Variants in PRC1 observed in about 807,000 individuals in gnomAD.
PRC1 encodes anaphase spindle elongation 1 homolog.
In PRC1, 54 loss-of-function variants were observed where a neutral mutation model predicts 91.2. The observed-to-expected ratio is 0.59, with a 90% confidence interval of 0.48 to 0.74. The LOEUF (loss-of-function observed/expected upper bound fraction) is 0.74, where lower values mean the gene tolerates loss of function less well. Among genes scored for constraint, PRC1 ranks in the 30% least tolerant of loss-of-function variants. The pLI is 0.00. For missense variants in PRC1, 727 were observed against 746.2 expected (o/e 0.97, Z 0.30); for synonymous variants, 275 against 263.6 (o/e 1.04, Z -0.42).
intron 14 of PRC1, chr15:90,967,861 G>A (rs2037661469): frequency 2.0e-6 from 2 of 985,510 alleles, no homozygotes; most frequent in South Asian, 4.7e-5. Flanking sequence ...CTACTTTAGA[G>A]TTGTCAAGGT....
intron 1 of PRC1, 58 bp downstream of exon 1, chr15:90,994,349 G>C: frequency 6.2e-7 from 1 of 1,611,220 alleles, no homozygotes; most frequent in Non-Finnish European, 8.5e-7. Flanking sequence ...AACAGGCCCC[G>C]CAGCCGAAAC....
chr15:90,966,457 A>C lies in PRC1; in HGVS notation c.*674T>G, dbSNP rs1471042320. On this transcript the variant is annotated 3_prime_UTR_variant, in exon 15 of 15. Transcript: ENST00000394249. ...GAATGGGGGAGATGAGAGCCAAGGG[A>C]CAAACGCCGAGAAAGCGTTCCGACA... 10 of 391,860 alleles carry C rather than the reference A, an allele frequency of 2.6e-5. No homozygotes were observed. The highest frequency in any genetic ancestry group is 4.2e-5 in the Non-Finnish European group (8 of 190,106). The allele number at this position is 391,860 out of a possible 1,614,324, so 24.3% of individuals were successfully genotyped here.
intron 14 of PRC1, chr15:90,968,202 G>A (rs1338622559): frequency 4.1e-6 from 4 of 985,312 alleles, no homozygotes; most frequent in African/African-American, 1.7e-5. Context: ...AAGCGAAAAA[G>A]AGAAAGCTGG....
rs1567173970 is a variant in PRC1, at chr15:90,966,291, G to A, written c.*840C>T. 1 of 236,642 alleles carries A rather than the reference G, an allele frequency of 4.2e-6. No individual in the cohort carries two copies. The highest frequency in any genetic ancestry group is 8.7e-6 in the Non-Finnish European group (1 of 114,842). The allele number at this position is 236,642 out of a possible 1,614,324, so 14.7% of individuals were successfully genotyped here. ...AGAGGGCGCCTCATCGTGGAAGCTAGAGCAGGAACACCTCCCCAGTAGTGA... is the reference window on the plus strand; with the variant it reads ...AGAGGGCGCCTCATCGTGGAAGCTAAAGCAGGAACACCTCCCCAGTAGTGA... On this transcript the variant is annotated 3_prime_UTR_variant, in exon 15 of 15. Coordinates refer to ENST00000394249, the MANE Select transcript of PRC1 (RefSeq NM_003981.4).
intron 14 of PRC1, chr15:90,967,991 G>A: frequency 1.0e-6 from 1 of 985,178 alleles, no homozygotes; most frequent in Non-Finnish European, 1.2e-6. Flanking sequence ...TCATGCTGGA[G>A]CACATGGTAG....
At chr15:90,992,474 G>A (rs2040034082) in intron 1 of PRC1, among the ~76,000 whole-genome samples, 1 of 152,000 alleles carries the variant, frequency 6.6e-6, no homozygotes, top group African/African-American at 2.4e-5. Flanking sequence ...GGCTGGTCTT[G>A]AACTCCTGGG....
In PRC1 at chr15:90,968,142, C is replaced by CAGAT. The variant is rs542719794; in HGVS notation, c.1791+933_1791+936dup. On this transcript the variant is annotated intron_variant, in intron 14 of 14. Transcript: ENST00000394249. The stretch of plus-strand genomic sequence containing the variant: ...ACGAACCTACCTAGGACTAGCCACA[C>CAGAT]AGATAGGCAGGTACATTTAAGCCTC... 3.5e-4 allele frequency: 343 copies of CAGAT among 985,452 alleles called. 1 individual carries two copies. In the African/African-American group the frequency reaches 5.5e-3, roughly 16 times the overall value. 61.0% of individuals were successfully genotyped at this position (985,452 alleles called of 1,614,324 possible).
chr15:90,969,505 G>T lies in PRC1; in HGVS notation c.1691C>A (p.Ala564Asp). Reference sequence around the variant, plus strand: ...AATGCTGAAGTTGCGCTGGAGGGGGGCCGAGCCAGGGTACCCACCACTCAG... The same window carrying T: ...AATGCTGAAGTTGCGCTGGAGGGGGTCCGAGCCAGGGTACCCACCACTCAG... ...SILSGGYPGS[A>D]PLQRNFSINS... The change falls in exon 13 of 15, where the codon GCC becomes GAC. Residue 564 changes from alanine to aspartate, a missense_variant. Coordinates refer to ENST00000394249, the MANE Select transcript of PRC1 (RefSeq NM_003981.4). 1 of 1,612,862 alleles carries T rather than the reference G, an allele frequency of 6.2e-7. No homozygotes were observed. The highest frequency in any genetic ancestry group is 8.5e-7 in the Non-Finnish European group (1 of 1,179,306).
At chr15:90,980,510 CACTTTT>C (rs1200968114) in intron 6 of PRC1, 121 bp from the exon 7 acceptor site, 1 of 756,508 alleles carries the variant, frequency 1.3e-6, no homozygotes, top group African/African-American at 1.9e-5. Flanking sequence ...TATAAATCAA[CACTTTT>C]TTTTTTTTTT....
rs1314459890 is a variant in PRC1 at position 90,966,855 on chromosome 15, A to G, written c.*276T>C. ...TGATCATGCTTCAGCAAGTAGAATTATGTGGTAGAGAAGTCAGGCCCCATA... is the reference window on the plus strand; with the variant it reads ...TGATCATGCTTCAGCAAGTAGAATTGTGTGGTAGAGAAGTCAGGCCCCATA... On this transcript the variant is annotated 3_prime_UTR_variant, in exon 15 of 15. Transcript: ENST00000394249. 1.2e-5 allele frequency: 6 copies of G among 520,010 alleles called. No individual in the cohort carries two copies. The highest frequency in any genetic ancestry group is 2.1e-5 in the Non-Finnish European group (6 of 286,964). The allele number at this position is 520,010 out of a possible 1,614,324, so 32.2% of individuals were successfully genotyped here.
chr15:90,967,008 T>G lies in PRC1; in HGVS notation c.*123A>C. 1 of 806,400 alleles carries G rather than the reference T, an allele frequency of 1.2e-6. No homozygotes were observed. The highest frequency in any genetic ancestry group is 2.1e-6 in the Non-Finnish European group (1 of 478,392). 50.0% of individuals were successfully genotyped at this position (806,400 alleles called of 1,614,324 possible). On this transcript the variant is annotated 3_prime_UTR_variant, in exon 15 of 15. Transcript: ENST00000394249. ...CATTCACATCTTTAAGTTAGGCCCA[T>G]GGTCATGGAACCTGGCCAAGGTTTC...
chr15:90,969,189 G>T (rs1318301314), intron 13 of PRC1, 69 bp from the exon 14 acceptor site: 40 of 1,498,598 alleles, frequency 2.7e-5, no homozygotes, highest in Non-Finnish European at 3.6e-5. Context: ...TGATAGAGGG[G>T]TTGCCTCCTG....
intron 12 of PRC1, 34 bp downstream of exon 12, chr15:90,970,370 T>G: frequency 6.8e-7 from 1 of 1,472,190 alleles, no homozygotes; most frequent in Non-Finnish European, 9.5e-7. Flanking sequence ...TAGGGACGCA[T>G]GTGAGGATGT....
rs1367373552 is a variant in PRC1, at chr15:90,981,798, C to G, written c.451G>C (p.Glu151Gln). Residue 151 changes from glutamate to glutamine, a missense_variant, in exon 4 of 15, where the codon GAA becomes CAA. By Grantham distance (29) the Glu-to-Gln change is conservative. Transcript: ENST00000394249. ...DIDSASVPSL[E>Q]ELNQFRQHVT... is the part of the protein sequence containing the mutation. ...TGTTGCCTGAACTGGTTCAGCTCTT[C>G]TAAGCTGGGCACTGAGGCACTGTCA... 1 of 1,614,184 alleles carries G rather than the reference C, an allele frequency of 6.2e-7. No individual in the cohort carries two copies. The highest frequency in any genetic ancestry group is 1.3e-5 in the African/African-American group (1 of 75,062).
intron 3 of PRC1, among the ~76,000 whole-genome samples, chr15:90,983,266 G>T (rs541143539): frequency 2.0e-5 from 3 of 152,254 alleles, no homozygotes; most frequent in Non-Finnish European, 4.4e-5. Context: ...ATCCAGGCAG[G>T]TCTTCCTGTA....
intron 1 of PRC1, 48 bp downstream of exon 1, chr15:90,994,359 C>T (rs755479813): frequency 6.2e-7 from 1 of 1,611,848 alleles, no homozygotes; most frequent in Non-Finnish European, 8.5e-7. Flanking sequence ...GCAGCCGAAA[C>T]GAGCGTCGCT....
At chr15:90,968,146 T>C (rs952847280) in intron 14 of PRC1, 49 of 985,290 alleles carry the variant, frequency 5.0e-5, no homozygotes, top group Middle Eastern at 5.2e-4. Context: ...GCCACACAGA[T>C]AGGCAGGTAC....
chr15:90,969,017 A>T (rs999795872), intron 14 of PRC1, 62 bp downstream of exon 14: 1 of 1,612,926 alleles, frequency 6.2e-7, no homozygotes, highest in Admixed American at 1.7e-5. Flanking sequence ...TGCCCAGATG[A>T]ATGAAGCCAG....
rs757068375 is a variant in PRC1 at position 90,966,235 on chromosome 15, CAAG to C, written c.*893_*895del. 1 of 210,632 alleles carries C rather than the reference CAAG, an allele frequency of 4.7e-6. No homozygotes were observed. Among genetic ancestry groups the C allele is most frequent in the Non-Finnish European group, 9.9e-6 (1 of 101,326 alleles). 13.0% of individuals were successfully genotyped at this position (210,632 alleles called of 1,614,324 possible). A position where few individuals can be genotyped will look rare whatever the true frequency, so the allele number is the denominator to read the frequency against. On this transcript the variant is annotated 3_prime_UTR_variant, in exon 15 of 15. Coordinates refer to ENST00000394249, the MANE Select transcript of PRC1 (RefSeq NM_003981.4). Reference sequence around the variant, plus strand: ...AGCGGAAGAATAAATAATAGTGCTTCAAGAAGAGTAGTGATTGAGAGGATAGGT... The same window carrying C: ...AGCGGAAGAATAAATAATAGTGCTTCAAGAGTAGTGATTGAGAGGATAGGT...
Sources: gnomAD v4.1 joint callset for allele counts (sites outside exome capture counted in the v4.1 genomes callset) on GRCh38, gnomAD v4.1.1 for gene constraint, MANE v1.5 for transcripts, NCBI Gene and HGNC (gene_info 2026-07-23, HGNC 2026-07-21) for gene names.